CNTNAP2: variants seen among roughly 807,000 people sequenced by gnomAD.
CNTNAP2 encodes contactin associated protein 2.
A neutral mutation model predicts 155.2 loss-of-function variants in CNTNAP2; 98 were observed. The observed-to-expected ratio is 0.63, with a 90% CI of 0.54 to 0.75. The LOEUF is 0.75. Among genes scored for constraint, CNTNAP2 ranks in the 30% least tolerant of loss-of-function variants. The probability of loss-of-function intolerance (pLI) is 0.00; values close to 1 mark genes in which losing one functional copy is unlikely to be tolerated. For synonymous variants in CNTNAP2, 651 were observed against 631.2 expected (o/e 1.03, Z -0.47); for missense variants, 1,727 against 1,688.1 (o/e 1.02, Z -0.40).
chr7:147,475,027 A>G (rs549809559), intron 10 of CNTNAP2, among the ~76,000 whole-genome samples: 1 of 152,284 alleles, frequency 6.6e-6, no homozygotes, highest in African/African-American at 2.4e-5. Flanking sequence ...TCCCCTGGCA[A>G]TATATTTTTG....
chr7:147,902,938 G>A (rs1585019620), intron 13 of CNTNAP2, among the ~76,000 whole-genome samples: 1 of 152,036 alleles, frequency 6.6e-6, no homozygotes, highest in East Asian at 1.9e-4. Flanking sequence ...ATAAACACAT[G>A]TGTGCAAGTA....
chr7:147,699,748 G>A (rs535948281), intron 13 of CNTNAP2, among the ~76,000 whole-genome samples: 6 of 152,112 alleles, frequency 3.9e-5, no homozygotes, highest in Admixed American at 1.3e-4. Context: ...ATTAGTGCAC[G>A]TATCATGTTG....
intron 1 of CNTNAP2, among the ~76,000 whole-genome samples, chr7:146,485,067 C>A (rs1017532476): frequency 2.0e-5 from 3 of 152,000 alleles, no homozygotes; most frequent in African/African-American, 7.2e-5. Flanking sequence ...TGCCAGGTTA[C>A]CTTACAAATG....
At chr7:147,890,800 G>A (rs1307315626) in intron 13 of CNTNAP2, among the ~76,000 whole-genome samples, 1 of 152,174 alleles carries the variant, frequency 6.6e-6, no homozygotes, top group East Asian at 1.9e-4. Flanking sequence ...AGAGGCTAGG[G>A]AATGGGAGGT....
intron 1 of CNTNAP2, among the ~76,000 whole-genome samples, chr7:146,341,783 G>A (rs1794733982): frequency 6.6e-6 from 1 of 152,110 alleles, no homozygotes. Context: ...GTTCCTTTTA[G>A]GGTATTACAT....
chr7:147,324,639 T>C (rs1795416789), intron 9 of CNTNAP2, among the ~76,000 whole-genome samples: 1 of 152,206 alleles, frequency 6.6e-6, no homozygotes, highest in Non-Finnish European at 1.5e-5. Flanking sequence ...AACTTATTTG[T>C]ATATTTTAAA....
intron 13 of CNTNAP2, among the ~76,000 whole-genome samples, chr7:147,706,981 G>A (rs1475250949): frequency 6.6e-6 from 1 of 151,644 alleles, no homozygotes; most frequent in African/African-American, 2.4e-5. Context: ...ATTTCTGTTT[G>A]GTCCTTTTCT....
intron 1 of CNTNAP2, among the ~76,000 whole-genome samples, chr7:146,334,250 T>G (rs1026661672): frequency 6.6e-6 from 1 of 152,008 alleles, no homozygotes; most frequent in African/African-American, 2.4e-5. Flanking sequence ...GCTAACACGG[T>G]GAAACCCCGT....
intron 13 of CNTNAP2, among the ~76,000 whole-genome samples, chr7:147,888,205 T>TG (rs2116726926): frequency 9.9e-6 from 1 of 100,612 alleles, no homozygotes; most frequent in African/African-American, 4.7e-5. Context: ...ATTATTGGAT[T>TG]GAAAAAAATT....
chr7:148,156,672 G>T (rs1409300295), intron 17 of CNTNAP2, among the ~76,000 whole-genome samples: 1 of 152,020 alleles, frequency 6.6e-6, no homozygotes, highest in African/African-American at 2.4e-5. Context: ...TTTCTACTTT[G>T]TGTTTCAACT....
At chr7:146,633,026 C>A (rs1799535214) in intron 1 of CNTNAP2, among the ~76,000 whole-genome samples, 1 of 151,714 alleles carries the variant, frequency 6.6e-6, no homozygotes, top group Admixed American at 6.6e-5. Context: ...AAAAAAGCAA[C>A]TTTCTGAAAT....
intron 1 of CNTNAP2, among the ~76,000 whole-genome samples, chr7:146,771,772 A>G (rs1802296706): frequency 6.6e-6 from 1 of 152,226 alleles, no homozygotes; most frequent in Admixed American, 6.5e-5. Flanking sequence ...ATCATTGGGG[A>G]CTTAAGTGAA....
chr7:148,222,170 C>A (rs1243132620), intron 19 of CNTNAP2, among the ~76,000 whole-genome samples: 1 of 152,202 alleles, frequency 6.6e-6, no homozygotes, highest in Admixed American at 6.5e-5. Flanking sequence ...AGATTCTCCC[C>A]CTCACCCTTT....
chr7:147,110,658 G>A (rs1800856688), intron 5 of CNTNAP2, among the ~76,000 whole-genome samples: 1 of 152,142 alleles, frequency 6.6e-6, no homozygotes, highest in East Asian at 1.9e-4. Flanking sequence ...AGTTTGCTGA[G>A]GACAATAGCC....
At chr7:146,857,239 G>A (rs1795009003) in intron 3 of CNTNAP2, among the ~76,000 whole-genome samples, 1 of 151,736 alleles carries the variant, frequency 6.6e-6, no homozygotes, top group Admixed American at 6.6e-5. Context: ...GAGAGAGAAT[G>A]ATAAACCACA....
chr7:147,383,254 T>C (rs1341342928), intron 9 of CNTNAP2, among the ~76,000 whole-genome samples: 1 of 152,154 alleles, frequency 6.6e-6, no homozygotes. Context: ...ATGCATTCAT[T>C]CAAGTGATCA....
chr7:146,214,066 T>C (rs968030541), intron 1 of CNTNAP2, among the ~76,000 whole-genome samples: 1 of 152,214 alleles, frequency 6.6e-6, no homozygotes, highest in African/African-American at 2.4e-5. Flanking sequence ...AAGGCTACAT[T>C]TGCAAGTGCC....
chr7:147,591,934 T>C (rs549380459), intron 12 of CNTNAP2, among the ~76,000 whole-genome samples: 82 of 152,322 alleles, frequency 5.4e-4, no homozygotes, highest in African/African-American at 1.6e-3. Flanking sequence ...TCTTTTTAAG[T>C]GACAGATTAA....
At chr7:147,644,394 G>A (rs532648391) in intron 13 of CNTNAP2, among the ~76,000 whole-genome samples, 2 of 152,362 alleles carry the variant, frequency 1.3e-5, no homozygotes, top group African/African-American at 2.4e-5. Context: ...GCCAAGGCAG[G>A]TGGATCACTT....
Sources: gnomAD v4.1 joint callset for allele counts (sites outside exome capture counted in the v4.1 genomes callset) on GRCh38, gnomAD v4.1.1 for gene constraint, MANE v1.5 for transcripts, NCBI Gene and HGNC (gene_info 2026-07-23, HGNC 2026-07-21) for gene names.